VTI1A: variants seen among roughly 807,000 people sequenced by gnomAD.
VTI1A encodes vesicle transport through interaction with t-SNAREs homolog 1A.
Under a neutral mutation model 34.9 loss-of-function variants are expected in VTI1A, and 22 were observed. The observed-to-expected ratio is 0.63, with a 90% confidence interval of 0.45 to 0.90. The LOEUF is 0.90. Ranked by LOEUF, VTI1A falls within the 40% of genes least tolerant of loss-of-function variation. The pLI is 0.00. For synonymous variants in VTI1A, 87 were observed against 97.3 expected (o/e 0.89, Z 0.62); for missense variants, 268 against 275.6 (o/e 0.97, Z 0.20).
intron 5 of VTI1A, among the ~76,000 whole-genome samples, chr10:112,622,109 G>A (rs1845757518): frequency 6.6e-6 from 1 of 152,152 alleles, no homozygotes; most frequent in South Asian, 2.1e-4. Context: ...TTTTCTGTAT[G>A]TAGGCAGGTA....
chr10:112,801,203 G>C (rs1852865336), intron 7 of VTI1A, among the ~76,000 whole-genome samples: 1 of 152,138 alleles, frequency 6.6e-6, no homozygotes, highest in Non-Finnish European at 1.5e-5. Context: ...TTAAAGCTGG[G>C]GGTTGGGGAG....
At chr10:112,591,158 T>C (rs911210066) in intron 5 of VTI1A, among the ~76,000 whole-genome samples, 1 of 152,084 alleles carries the variant, frequency 6.6e-6, no homozygotes, top group Non-Finnish European at 1.5e-5. Context: ...CTGGGCAGCA[T>C]TGGCAGGAGC....
chr10:112,838,541 G>A, the VTI1A span, among the ~76,000 whole-genome samples: 1 of 152,124 alleles, frequency 6.6e-6, no homozygotes, highest in Non-Finnish European at 1.5e-5. Context: ...TTTATTGAAA[G>A]CATCAGGACA....
chr10:112,544,274 A>G (rs1271374205), intron 5 of VTI1A, among the ~76,000 whole-genome samples: 5 of 152,210 alleles, frequency 3.3e-5, no homozygotes, highest in Non-Finnish European at 2.9e-5. Flanking sequence ...TTTGTTGCCC[A>G]GGCTGGAGTG....
At position 112,767,081 on chromosome 10, in the gene VTI1A, A is replaced by G. The variant is rs535812243; in HGVS notation, c.561-48209A>G. ...TGAGTTTTTATTCTTTAAAAGGGAA[A>G]TGATTTCATCAGCTTCCCAATCTGT... On this transcript the variant is annotated intron_variant, in intron 7 of 7. Coordinates refer to ENST00000393077, the MANE Select transcript of VTI1A (RefSeq NM_145206.4). This position sits in a 1 kb window ranked among gnomAD's most constrained non-coding sequence, Gnocchi z 4.0. Among the ~76,000 whole-genome samples the G allele has an allele frequency of 4.9e-4, 75 of 152,366 alleles. No homozygotes were observed. The highest frequency in any genetic ancestry group is 9.3e-4 in the Non-Finnish European group (63 of 68,036).
At chr10:112,633,517 T>C (rs910229365) in intron 5 of VTI1A, among the ~76,000 whole-genome samples, 31 of 152,024 alleles carry the variant, frequency 2.0e-4, no homozygotes, top group African/African-American at 7.3e-4. Flanking sequence ...TGAAAAGAGA[T>C]AGCAGGCAAA....
intron 5 of VTI1A, among the ~76,000 whole-genome samples, chr10:112,621,669 C>G (rs1348192584): frequency 6.6e-6 from 1 of 152,190 alleles, no homozygotes; most frequent in Non-Finnish European, 1.5e-5. Flanking sequence ...GTGTCCCATC[C>G]TTCTCTGGAC....
At chr10:112,784,145 G>A (rs1428791432) in intron 7 of VTI1A, among the ~76,000 whole-genome samples, 1 of 151,996 alleles carries the variant, frequency 6.6e-6, no homozygotes, top group Non-Finnish European at 1.5e-5. Flanking sequence ...TGAACTTAAC[G>A]CATGTCTGCC....
At chr10:112,487,414 G>T (rs1186657003) in intron 3 of VTI1A, among the ~76,000 whole-genome samples, 1 of 152,142 alleles carries the variant, frequency 6.6e-6, no homozygotes, top group African/African-American at 2.4e-5. Flanking sequence ...GTGAGCCACC[G>T]TGCCTGGCCT....
chr10:112,756,860 A>G (rs1348272286), intron 7 of VTI1A, among the ~76,000 whole-genome samples: 1 of 152,076 alleles, frequency 6.6e-6, no homozygotes, highest in Admixed American at 6.5e-5. Flanking sequence ...CAGCCTGGGC[A>G]ACATGGCAAA....
chr10:112,651,166 A>T (rs1267181244), intron 5 of VTI1A, among the ~76,000 whole-genome samples: 1 of 152,214 alleles, frequency 6.6e-6, no homozygotes, highest in Non-Finnish European at 1.5e-5. Context: ...CAAGGGGAGC[A>T]TTCCTGTCTT....
At chr10:112,668,806 G>A in intron 6 of VTI1A, 131 bp from the exon 7 acceptor site, 1 of 928,966 alleles carries the variant, frequency 1.1e-6, no homozygotes, top group Non-Finnish European at 1.6e-6. Context: ...CTGTCAGAAT[G>A]TATTTATTTT....
intron 1 of VTI1A, among the ~76,000 whole-genome samples, chr10:112,453,926 A>G (rs749561976): frequency 9.9e-5 from 15 of 152,244 alleles, no homozygotes; most frequent in Non-Finnish European, 1.6e-4. Flanking sequence ...GTATATGAAC[A>G]TATCTACAAG....
At chr10:112,552,197 T>C (rs1851385092) in intron 5 of VTI1A, among the ~76,000 whole-genome samples, 1 of 152,242 alleles carries the variant, frequency 6.6e-6, no homozygotes, top group Non-Finnish European at 1.5e-5. Context: ...ATCAATAAAT[T>C]ACCTTATCTG....
chr10:112,702,976 T>C (rs1221426961), intron 7 of VTI1A, among the ~76,000 whole-genome samples: 1 of 152,234 alleles, frequency 6.6e-6, no homozygotes, highest in East Asian at 1.9e-4. Context: ...CCTTTTTGGC[T>C]AGACCATTCT....
At chr10:112,536,047 G>C (rs1392857267) in intron 4 of VTI1A, among the ~76,000 whole-genome samples, 1 of 152,108 alleles carries the variant, frequency 6.6e-6, no homozygotes, top group Non-Finnish European at 1.5e-5. Context: ...CAGAAATTTT[G>C]CTATTATAAC....
rs368383235 is a variant in VTI1A at position 112,570,050 on chromosome 10, TC to T, written c.427+31721del. On this transcript the variant is annotated intron_variant, in intron 5 of 7. Coordinates refer to ENST00000393077, the MANE Select transcript of VTI1A (RefSeq NM_145206.4). ...CCTCAAAGACATAATTAAGGGGATTTCTTCTTTAAAAGCCTACTGTGTGGCA... is the reference window on the plus strand; with the variant it reads ...CCTCAAAGACATAATTAAGGGGATTTTTCTTTAAAAGCCTACTGTGTGGCA... Among the ~76,000 whole-genome samples the T allele has an allele frequency of 4.9e-4, 74 of 152,312 alleles. No homozygotes were observed. The South Asian group carries it at 0.015, about 31-fold the overall frequency.
intron 7 of VTI1A, among the ~76,000 whole-genome samples, chr10:112,693,567 A>G (rs1848679948): frequency 6.6e-6 from 1 of 152,186 alleles, no homozygotes; most frequent in Admixed American, 6.5e-5. Flanking sequence ...TAAATAAGTA[A>G]ATAAAAATAA....
At chr10:112,638,249 G>A (rs1846435561) in intron 5 of VTI1A, among the ~76,000 whole-genome samples, 1 of 152,166 alleles carries the variant, frequency 6.6e-6, no homozygotes, top group Admixed American at 6.5e-5. Context: ...TAGGCTGATC[G>A]ATATCGGTGC....
Sources: gnomAD v4.1 joint callset for allele counts (sites outside exome capture counted in the v4.1 genomes callset) on GRCh38, gnomAD v4.1.1 for gene constraint, Gnocchi (gnomAD v3.1) non-coding constraint, MANE v1.5 for transcripts, NCBI Gene and HGNC (gene_info 2026-07-23, HGNC 2026-07-21) for gene names.